The following NEURL1 variants were observed in gnomAD, a reference collection of about 807,000 sequenced individuals.
NEURL1 encodes the protein neuralized E3 ubiquitin protein ligase 1, also known as E3 ubiquitin-protein ligase NEURL1.
NEURL1 carries 26 observed loss-of-function variants against 41.2 expected under a neutral mutation model. The ratio of observed to expected loss-of-function variants is 0.63; its 90% CI spans 0.46 to 0.87. NEURL1 has a LOEUF of 0.87. Ranked by LOEUF, NEURL1 falls within the 40% of genes least tolerant of loss-of-function variation. The pLI is 0.00. For missense variants in NEURL1, 761 were observed against 871.1 expected, an observed-to-expected ratio of 0.87 and a Z score of 1.59; for synonymous variants, 400 against 402.3, an observed-to-expected ratio of 0.99 and a Z score of 0.07.
At chr10:103,557,569 C>G (rs2035183657) in intron 1 of NEURL1, among the ~76,000 whole-genome samples, 3 of 152,312 alleles carry the variant, frequency 2.0e-5, no homozygotes, top group Admixed American at 6.5e-5. Flanking sequence ...GGCCCTGGGC[C>G]TTTGCCATTG....
At chr10:103,526,905 C>T (rs1454153561) in intron 1 of NEURL1, among the ~76,000 whole-genome samples, 3 of 149,730 alleles carry the variant, frequency 2.0e-5, no homozygotes, top group African/African-American at 7.4e-5. Flanking sequence ...CTCTAATGAT[C>T]CTTTGTATTT....
At chr10:103,513,271 T>C (rs1177706218) in intron 1 of NEURL1, among the ~76,000 whole-genome samples, 2 of 152,238 alleles carry the variant, frequency 1.3e-5, no homozygotes, top group African/African-American at 4.8e-5. Context: ...TGCTTACTAC[T>C]GGGAATGTGA....
intron 1 of NEURL1, among the ~76,000 whole-genome samples, chr10:103,518,543 T>C (rs553476314): frequency 3.5e-4 from 54 of 152,314 alleles, no homozygotes; most frequent in Middle Eastern, 6.8e-3. Context: ...TGTCAGATGA[T>C]GAAAAATGCC....
At chr10:103,576,057 A>C (rs1417803704) in intron 3 of NEURL1, among the ~76,000 whole-genome samples, 1 of 152,218 alleles carries the variant, frequency 6.6e-6, no homozygotes, top group Non-Finnish European at 1.5e-5. Context: ...GGCAGGTGGG[A>C]GACAGAAGAA....
At chr10:103,515,043 C>A (rs552424659) in intron 1 of NEURL1, among the ~76,000 whole-genome samples, 1 of 152,180 alleles carries the variant, frequency 6.6e-6, no homozygotes, top group South Asian at 2.1e-4. Context: ...GCCTGGCCAA[C>A]ATGGTGAAAC....
rs1469732629 is a variant in NEURL1 at position 103,584,611 on chromosome 10, A to G, written c.725A>G (p.Glu242Gly). 1 of 1,412,184 alleles carries G rather than the reference A, an allele frequency of 7.1e-7. No homozygotes were observed. Among genetic ancestry groups the G allele is most frequent in the South Asian group, 1.5e-5 (1 of 67,234 alleles). The allele number at this position is 1,412,184 out of a possible 1,614,324, so 87.5% of individuals were successfully genotyped here. Residue 242 changes from glutamate (E) to glycine (G), a missense_variant, in exon 4 of 6, where the codon GAG (glutamate) becomes GGG (glycine). Coordinates refer to ENST00000369780, the MANE Select transcript of NEURL1 (RefSeq NM_004210.5). ...CTGCGGCGGCCGTCGCTGCGGCGCG[A>G]GGCGGACGACGCGCGCCTCTCGGTG... Reference protein sequence around the residue: ...TALRRPSLRREADDARLSVSL... With the variant: ...TALRRPSLRRGADDARLSVSL...
intron 1 of NEURL1, among the ~76,000 whole-genome samples, chr10:103,557,530 G>T (rs1336822697): frequency 6.6e-6 from 1 of 152,166 alleles, no homozygotes; most frequent in Non-Finnish European, 1.5e-5. Flanking sequence ...TGCCAGGACC[G>T]CCCTCCCAGG....
At chr10:103,576,887 G>A (rs958821345) in intron 3 of NEURL1, among the ~76,000 whole-genome samples, 2 of 152,210 alleles carry the variant, frequency 1.3e-5, no homozygotes, top group East Asian at 3.9e-4. Flanking sequence ...GGTTCTCCAG[G>A]CCCCCTGGAG....
chr10:103,501,143 A>G (rs890161307), intron 1 of NEURL1, among the ~76,000 whole-genome samples: 4 of 152,200 alleles, frequency 2.6e-5, no homozygotes, highest in African/African-American at 9.7e-5. Flanking sequence ...CAATCTTTGA[A>G]GGTAGGCTAG....
intron 1 of NEURL1, among the ~76,000 whole-genome samples, chr10:103,527,574 C>T (rs1429257159): frequency 6.6e-6 from 1 of 152,148 alleles, no homozygotes; most frequent in Non-Finnish European, 1.5e-5. Context: ...GGATTACAGG[C>T]ATGAGTCACT....
At chr10:103,546,117 C>T (rs1286105329) in intron 1 of NEURL1, among the ~76,000 whole-genome samples, 1 of 152,240 alleles carries the variant, frequency 6.6e-6, no homozygotes, top group Non-Finnish European at 1.5e-5. Flanking sequence ...ATCCTCCTGC[C>T]TTGGCCTCCC....
chr10:103,533,527 G>C (rs1473742408), intron 1 of NEURL1, among the ~76,000 whole-genome samples: 3 of 147,950 alleles, frequency 2.0e-5, no homozygotes, highest in Non-Finnish European at 4.5e-5. Flanking sequence ...AAGCCACGAT[G>C]CCGGACTAAT....
intron 1 of NEURL1, among the ~76,000 whole-genome samples, chr10:103,537,401 T>G (rs929348208): frequency 2.0e-5 from 3 of 152,052 alleles, no homozygotes; most frequent in African/African-American, 7.2e-5. Context: ...CCTCTCGCAC[T>G]CTTATATATA....
intron 1 of NEURL1, among the ~76,000 whole-genome samples, chr10:103,562,731 C>T (rs1160337605): frequency 1.3e-5 from 2 of 152,062 alleles, no homozygotes; most frequent in Admixed American, 1.3e-4. Context: ...AGGCCCCTAA[C>T]CTAGTCTGGG....
rs765141528 is a variant in NEURL1 at position 103,584,891 on chromosome 10, C to T, written c.1005C>T (p.Ala335=). The part of the protein sequence containing the change: ...LVFTSRPVRV[A]ETIFVKVTRS... Reference sequence around the variant, plus strand: ...TCACCAGCCGGCCCGTGCGCGTGGCCGAGACCATCTTCGTCAAGGTCACGC... The same window carrying T: ...TCACCAGCCGGCCCGTGCGCGTGGCTGAGACCATCTTCGTCAAGGTCACGC... The change falls in exon 4 of 6, where the codon GCC becomes GCT. Residue 335 remains alanine, a synonymous_variant. Coordinates refer to ENST00000369780, the MANE Select transcript of NEURL1 (RefSeq NM_004210.5). 181 of 1,455,220 alleles carry T rather than the reference C, an allele frequency of 1.2e-4. 1 individual carries two copies. Among genetic ancestry groups the T allele is most frequent in the Non-Finnish European group, 1.5e-4 (171 of 1,112,596 alleles). The allele number at this position is 1,455,220 out of a possible 1,614,324, so 90.1% of individuals were successfully genotyped here.
chr10:103,494,492 G>A lies in NEURL1; in HGVS notation c.85+20G>A, dbSNP rs2133840229. On this transcript the variant is annotated intron_variant, in intron 1 of 5. Coordinates refer to ENST00000369780, the MANE Select transcript of NEURL1 (RefSeq NM_004210.5). ...TCAAAGGTAGGCTCCCCGGCCGAGC[G>A]CTGCTGGAGGACTGGGGCGCAGGTG... 2.0e-6 allele frequency: 3 copies of A among 1,530,874 alleles called. No individual in the cohort carries two copies. Among genetic ancestry groups the A allele is most frequent in the East Asian group, 5.2e-5 (2 of 38,370 alleles). 94.8% of individuals were successfully genotyped at this position (1,530,874 alleles called of 1,614,324 possible).
At chr10:103,548,552 A>G (rs2034970569) in intron 1 of NEURL1, among the ~76,000 whole-genome samples, 1 of 151,148 alleles carries the variant, frequency 6.6e-6, no homozygotes, top group Non-Finnish European at 1.5e-5. Flanking sequence ...CGAACTCCTG[A>G]CCTCAGGTGA....
intron 3 of NEURL1, among the ~76,000 whole-genome samples, chr10:103,574,878 G>A (rs1280536622): frequency 6.6e-6 from 1 of 152,126 alleles, no homozygotes; most frequent in Admixed American, 6.5e-5. Context: ...AGGCCCCAGC[G>A]GATTCCGTCC....
At chr10:103,555,226 G>A in intron 1 of NEURL1, 1 of 857,898 alleles carries the variant, frequency 1.2e-6, no homozygotes. Flanking sequence ...GCGCGTGGGG[G>A]CGCGTGGGGG....
Sources: allele counts gnomAD v4.1 joint callset (sites outside exome capture counted in the v4.1 genomes callset), GRCh38; gene constraint gnomAD v4.1.1; transcripts MANE v1.5; gene names NCBI Gene and HGNC (gene_info 2026-07-23, HGNC 2026-07-21).